Variants in ZNF462 observed in about 807,000 individuals in gnomAD.
The protein encoded by ZNF462 is zinc finger PBX1-interacting protein.
In ZNF462, 10 loss-of-function variants were observed where a neutral mutation model predicts 201.9. The observed-to-expected ratio is 0.05, with a 90% CI of 0.03 to 0.08. The LOEUF (loss-of-function observed/expected upper bound fraction) is 0.08. Ranked by LOEUF, ZNF462 falls within the 10% of genes least tolerant of loss-of-function variation. ZNF462 has a pLI of 1.00. For missense variants in ZNF462, 2,523 were observed against 3,168.3 expected (o/e 0.80, Z 4.89); for synonymous variants, 1,227 against 1,193.3 (o/e 1.03, Z -0.58).
chr9:106,935,165 T>A lies in ZNF462; in HGVS notation c.6117-338T>A, dbSNP rs1830581025. Reference sequence around the variant, plus strand: ...CACTCTCACTGGCTTGGCAGGAAGCTTGAATTCACCCATATTGTACCTTCT... The same window carrying A: ...CACTCTCACTGGCTTGGCAGGAAGCATGAATTCACCCATATTGTACCTTCT... On this transcript the variant is annotated intron_variant, in intron 5 of 12. Coordinates refer to ENST00000277225, the MANE Select transcript of ZNF462 (RefSeq NM_021224.6). The surrounding 1 kb of genome is among the most constrained non-coding windows in gnomAD (Gnocchi z 4.1). Among the ~76,000 whole-genome samples the A allele has an allele frequency of 1.3e-5, 2 of 152,198 alleles. No individual in the cohort carries two copies. The highest frequency in any genetic ancestry group is 2.9e-5 in the Non-Finnish European group (2 of 68,034).
Position 107,003,468 on chromosome 9 carries a change from C to T in ZNF462, c.7189+42C>T. The T allele has an allele frequency of 6.2e-7, 1 of 1,608,012 alleles. No homozygotes were observed. The highest frequency in any genetic ancestry group is 8.5e-7 in the Non-Finnish European group (1 of 1,177,468). ...CCTCCCAATCCCAGATGGCATCTGG[C>T]ATGTCCGTAGTGAGACAGAAGGGAG... On this transcript the variant is annotated intron_variant, in intron 11 of 12. Coordinates refer to ENST00000277225, the MANE Select transcript of ZNF462 (RefSeq NM_021224.6). This position sits in a 1 kb window ranked among gnomAD's most constrained non-coding sequence, Gnocchi z 4.4.
chr9:106,906,951 C>T (rs1238577782), intron 1 of ZNF462, among the ~76,000 whole-genome samples: 1 of 152,150 alleles, frequency 6.6e-6, no homozygotes, highest in Non-Finnish European at 1.5e-5. Context: ...CAGTGATAAT[C>T]CTTGTCTGGT....
intron 7 of ZNF462, among the ~76,000 whole-genome samples, chr9:106,951,856 T>TG (rs1831365114): frequency 6.6e-6 from 1 of 151,982 alleles, no homozygotes; most frequent in African/African-American, 2.4e-5. Context: ...GTTGTGTTTT[T>TG]TTTTTTTTTT....
rs1181763457 is a variant in ZNF462, at chr9:106,984,465, G to C, written c.7056+56G>C. ...AGCACACTTGTGGGGAGGGGCCAAGGGGGAGACACCACTGCATTTAGTCAC... is the reference window on the plus strand; with the variant it reads ...AGCACACTTGTGGGGAGGGGCCAAGCGGGAGACACCACTGCATTTAGTCAC... On this transcript the variant is annotated intron_variant, in intron 10 of 12. Coordinates refer to ENST00000277225, the MANE Select transcript of ZNF462 (RefSeq NM_021224.6). The surrounding 1 kb of genome is among the most constrained non-coding windows in gnomAD (Gnocchi z 6.4). 2 of 1,413,780 alleles carry C rather than the reference G, an allele frequency of 1.4e-6. No individual in the cohort carries two copies. The highest frequency in any genetic ancestry group is 4.6e-5 in the East Asian group (2 of 43,716). The allele number at this position is 1,413,780 out of a possible 1,614,324, so 87.6% of individuals were successfully genotyped here.
rs563578104 is a variant in ZNF462 at position 106,872,395 on chromosome 9, G to T, written c.-31+9040G>T. Among the ~76,000 whole-genome samples the T allele has an allele frequency of 5.3e-5, 8 of 152,184 alleles. No homozygotes were observed. Among genetic ancestry groups the T allele is most frequent in the African/African-American group, 1.9e-4 (8 of 41,526 alleles). Reference sequence around the variant, plus strand: ...TTCTTTTCTTTTTGGAGACAGTTTTGCTCTGTCTCCCAGGCTGGAGTGCAG... The same window carrying T: ...TTCTTTTCTTTTTGGAGACAGTTTTTCTCTGTCTCCCAGGCTGGAGTGCAG... On this transcript the variant is annotated intron_variant, in intron 1 of 12. Coordinates refer to ENST00000277225, the MANE Select transcript of ZNF462 (RefSeq NM_021224.6). This position sits in a 1 kb window ranked among gnomAD's most constrained non-coding sequence, Gnocchi z 4.5.
rs139723292 is a variant in ZNF462, at chr9:106,938,848, T to C, written c.6236-68T>C. 690 of 1,467,928 alleles carry C rather than the reference T, an allele frequency of 4.7e-4. 4 individuals carry two copies. In the African/African-American group the frequency reaches 9.0e-3, roughly 19 times the overall value. The allele number at this position is 1,467,928 out of a possible 1,614,324, so 90.9% of individuals were successfully genotyped here. A position where few individuals can be genotyped will look rare whatever the true frequency, so the allele number is the denominator to read the frequency against. ...CATGAGTTAACTGAGTTATCTTGTTTCCACCCTGGCCTTATACCCTTCTCC... is the reference window on the plus strand; with the variant it reads ...CATGAGTTAACTGAGTTATCTTGTTCCCACCCTGGCCTTATACCCTTCTCC... On this transcript the variant is annotated intron_variant, in intron 6 of 12. Transcript: ENST00000277225. The surrounding 1 kb of genome is among the most constrained non-coding windows in gnomAD (Gnocchi z 4.4).
At chr9:106,889,985 G>A (rs971551513) in intron 1 of ZNF462, among the ~76,000 whole-genome samples, 24 of 152,210 alleles carry the variant, frequency 1.6e-4, no homozygotes, top group African/African-American at 5.8e-4. Context: ...CAGTGGCATT[G>A]ATACTTACAC....
In ZNF462 at chr9:106,938,077, A is replaced by G. The variant is rs1471820653; in HGVS notation, c.6236-839A>G. ...TCACACTCTTAGTTCTTAAAATGTA[A>G]TTAATTTAACAGGTAATATATGGCG... On this transcript the variant is annotated intron_variant, in intron 6 of 12. Transcript: ENST00000277225. This position sits in a 1 kb window ranked among gnomAD's most constrained non-coding sequence, Gnocchi z 4.4. 1.3e-5 allele frequency among the ~76,000 whole-genome samples: 2 copies of G among 152,244 alleles called. No homozygotes were observed. The highest frequency in any genetic ancestry group is 2.4e-5 in the African/African-American group (1 of 41,466).
At position 106,876,781 on chromosome 9, in the gene ZNF462, C is replaced by T. The variant is rs7874161; in HGVS notation, c.-31+13426C>T. Among the ~76,000 whole-genome samples, 62,356 of 151,978 alleles carry T rather than the reference C, an allele frequency of 0.41. 13,916 individuals are homozygous for T. The highest frequency in any genetic ancestry group is 0.59 in the African/African-American group (24,601 of 41,422). On this transcript the variant is annotated intron_variant, in intron 1 of 12. Transcript: ENST00000277225. The surrounding 1 kb of genome is among the most constrained non-coding windows in gnomAD (Gnocchi z 4.9). ...TGTTATTACTGTTCCTATTGTTTGG[C>T]ATCATTCTGGCAAAAATGATATGTC... is the stretch of plus-strand genomic sequence containing the variant.
chr9:106,892,505 A>C (rs1475525698), intron 1 of ZNF462, among the ~76,000 whole-genome samples: 2 of 144,404 alleles, frequency 1.4e-5, no homozygotes, highest in Non-Finnish European at 3.0e-5. Context: ...TTCTCACTTA[A>C]CATTTTTTAT....
chr9:106,912,710 A>G (rs147296289), intron 1 of ZNF462, among the ~76,000 whole-genome samples: 5 of 152,170 alleles, frequency 3.3e-5, no homozygotes, highest in African/African-American at 1.2e-4. Flanking sequence ...GAAAATGAAG[A>G]TGTTGGACCA....
At chr9:106,941,905 C>T (rs1830888502) in intron 7 of ZNF462, among the ~76,000 whole-genome samples, 1 of 152,180 alleles carries the variant, frequency 6.6e-6, no homozygotes, top group Non-Finnish European at 1.5e-5. Context: ...GGAAAAACAG[C>T]TGTGGGGCTA....
At chr9:106,921,723 T>G (rs1238476651) in intron 1 of ZNF462, among the ~76,000 whole-genome samples, 1 of 152,176 alleles carries the variant, frequency 6.6e-6, no homozygotes, top group Non-Finnish European at 1.5e-5. Context: ...TGGAAAAATT[T>G]GTTTTCAGGT....
intron 1 of ZNF462, among the ~76,000 whole-genome samples, chr9:106,912,960 G>A (rs1829612758): frequency 6.6e-6 from 1 of 152,144 alleles, no homozygotes; most frequent in Admixed American, 6.5e-5. Flanking sequence ...TGGCTTTCCA[G>A]GATACTTTGC....
intron 7 of ZNF462, among the ~76,000 whole-genome samples, chr9:106,964,885 A>G (rs1832000326): frequency 2.6e-5 from 4 of 152,104 alleles, no homozygotes; most frequent in Non-Finnish European, 5.9e-5. Flanking sequence ...AGAAGCAGAA[A>G]TGGATGGACC....
At chr9:106,873,463 C>T (rs774708809) in intron 1 of ZNF462, among the ~76,000 whole-genome samples, 1 of 151,648 alleles carries the variant, frequency 6.6e-6, no homozygotes, top group Non-Finnish European at 1.5e-5. Flanking sequence ...CTTCATAGGG[C>T]CCCTTTTGAA....
At chr9:106,959,651 A>G (rs910913171) in intron 7 of ZNF462, among the ~76,000 whole-genome samples, 18 of 152,078 alleles carry the variant, frequency 1.2e-4, no homozygotes, top group African/African-American at 4.1e-4. Context: ...GGGAGCTGAA[A>G]AGTTGTCTGT....
Position 106,969,471 on chromosome 9 carries a change from T to C in ZNF462, c.6428-2534T>C, listed in dbSNP as rs189961803. ...ATAAAAATGTGTTAACTAAAAGAGATTGGGGTCCTTGGAGGGGGTCTGCCT... is the reference window on the plus strand; with the variant it reads ...ATAAAAATGTGTTAACTAAAAGAGACTGGGGTCCTTGGAGGGGGTCTGCCT... On this transcript the variant is annotated intron_variant, in intron 7 of 12. Coordinates refer to ENST00000277225, the MANE Select transcript of ZNF462 (RefSeq NM_021224.6). 2.0e-5 allele frequency among the ~76,000 whole-genome samples: 3 copies of C among 152,256 alleles called. No homozygotes were observed. The East Asian group carries it at 5.8e-4, about 29-fold the overall frequency.
intron 10 of ZNF462, among the ~76,000 whole-genome samples, chr9:106,987,673 C>A (rs1827958122): frequency 6.6e-6 from 1 of 152,124 alleles, no homozygotes; most frequent in Non-Finnish European, 1.5e-5. Context: ...TTAAGTAAGT[C>A]CCAACTATTT....
Sources: allele counts gnomAD v4.1 joint callset (sites outside exome capture counted in the v4.1 genomes callset), GRCh38; gene constraint gnomAD v4.1.1; non-coding constraint Gnocchi (gnomAD v3.1); transcripts MANE v1.5; gene names NCBI Gene and HGNC (gene_info 2026-07-23, HGNC 2026-07-21).